The following BET1 variants were observed in gnomAD, a reference collection of about 807,000 sequenced individuals.
The protein encoded by BET1 is Bet1 golgi vesicular membrane trafficking protein, also known as BET1 homolog.
BET1 carries 9 observed loss-of-function variants against 13.9 expected under a neutral mutation model. That is an observed-to-expected ratio of 0.65 (90% CI 0.39 to 1.13). The LOEUF (loss-of-function observed/expected upper bound fraction) is 1.13. BET1 is among the 50% of genes most tolerant of loss of function. BET1 has a pLI of 0.01. For missense variants in BET1, 127 were observed against 133.6 expected (o/e 0.95, Z 0.24); for synonymous variants, 39 against 47.3 (o/e 0.82, Z 0.72).
exon 5 of BET1, chr7:93,975,955 T>C (rs1447021903): frequency 8.0e-7 from 1 of 1,255,226 alleles, no homozygotes; most frequent in Admixed American, 2.3e-5. Context: ...TGACATGTCA[T>C]GATATAATTC....
exon 5 of BET1, chr7:93,975,934 A>G (rs1329706864): frequency 2.0e-5 from 24 of 1,223,356 alleles, no homozygotes; most frequent in Non-Finnish European, 2.4e-5. Flanking sequence ...AAGGCTTCAG[A>G]GTCATTATTT....
At chr7:93,966,652 C>T (rs1388669537) in intron 6 of BET1, among the ~76,000 whole-genome samples, 2 of 151,096 alleles carry the variant, frequency 1.3e-5, no homozygotes, top group Admixed American at 1.3e-4. Context: ...TCTTCTAGTC[C>T]TTTAGTTCCT....
chr7:93,964,062 T>G (rs1795137587), exon 7 of BET1: 1 of 151,802 alleles, frequency 6.6e-6, no homozygotes, highest in Admixed American at 6.6e-5. Context: ...CGAGACTCTA[T>G]CTCAAAAAAT....
chr7:93,999,727 G>A (rs916263810), intron 1 of BET1: 14 of 456,262 alleles, frequency 3.1e-5, no homozygotes, highest in Admixed American at 2.8e-4. Context: ...AGCTCATAGC[G>A]GCGAGGGTTC....
At chr7:93,976,005 T>C (rs1198178704) in exon 5 of BET1, 31 of 1,280,734 alleles carry the variant, frequency 2.4e-5, no homozygotes, top group Non-Finnish European at 2.8e-5. Context: ...AGCCTCCTTC[T>C]TTTTAAGCTT....
At chr7:93,976,836 C>T (rs1795344501) in intron 4 of BET1, among the ~76,000 whole-genome samples, 1 of 152,068 alleles carries the variant, frequency 6.6e-6, no homozygotes, top group Admixed American at 6.6e-5. Flanking sequence ...CCCTCCCACA[C>T]TTTCCCATGA....
At chr7:93,986,129 A>T (rs1311119204) in intron 4 of BET1, among the ~76,000 whole-genome samples, 1 of 152,170 alleles carries the variant, frequency 6.6e-6, no homozygotes, top group Non-Finnish European at 1.5e-5. Context: ...TTGTTATTCG[A>T]CCTATGTGCA....
At chr7:93,979,069 T>C (rs1795384924) in intron 4 of BET1, among the ~76,000 whole-genome samples, 2 of 152,202 alleles carry the variant, frequency 1.3e-5, no homozygotes, top group Admixed American at 1.3e-4. Flanking sequence ...TGATAGTTTT[T>C]CAGATTCCTG....
At chr7:93,997,122 T>C (rs1204643280) in intron 2 of BET1, among the ~76,000 whole-genome samples, 1 of 152,172 alleles carries the variant, frequency 6.6e-6, no homozygotes, top group Admixed American at 6.5e-5. Flanking sequence ...AAAATCTATC[T>C]AATACTTTAT....
intron 1 of BET1, 109 bp from the exon 2 acceptor site, chr7:93,999,403 GTC>G (rs1403060718): frequency 1.0e-5 from 14 of 1,334,514 alleles, no homozygotes; most frequent in Non-Finnish European, 1.3e-5. Flanking sequence ...AACCACATAT[GTC>G]TCTAATATTC....
chr7:93,968,954 T>A (rs1355190022), intron 6 of BET1, among the ~76,000 whole-genome samples: 3 of 151,886 alleles, frequency 2.0e-5, no homozygotes, highest in Admixed American at 6.6e-5. Flanking sequence ...GACCATCTTT[T>A]CTTCTCACAT....
downstream of BET1, chr7:93,993,234 T>TA (rs1323887368): frequency 2.1e-6 from 2 of 973,584 alleles, no homozygotes; most frequent in Non-Finnish European, 2.4e-6. Flanking sequence ...AAAAGAGACT[T>TA]AAAGAAGTAA....
chr7:93,987,621 T>C (rs1011390113), intron 4 of BET1, among the ~76,000 whole-genome samples: 1 of 152,076 alleles, frequency 6.6e-6, no homozygotes, highest in Non-Finnish European at 1.5e-5. Context: ...AACAAGCATA[T>C]CATTGAATAA....
chr7:93,985,132 C>G (rs1052906716), intron 4 of BET1, among the ~76,000 whole-genome samples: 7 of 152,162 alleles, frequency 4.6e-5, no homozygotes, highest in Non-Finnish European at 1.0e-4. Context: ...GCTACCTTCC[C>G]TAACCATGCT....
In BET1 at chr7:93,993,255, T is replaced by A; in HGVS notation, c.*975A>T. 1 of 950,804 alleles carries A rather than the reference T, an allele frequency of 1.1e-6. No individual in the cohort carries two copies. Among genetic ancestry groups the A allele is most frequent in the Non-Finnish European group, 1.3e-6 (1 of 798,552 alleles). The allele number at this position is 950,804 out of a possible 1,614,324, so 58.9% of individuals were successfully genotyped here. ...GACTTAAAGAAGTAACACAGTCGAC[T>A]AATATATTTTATTTAAAAATTTACT... is the stretch of plus-strand genomic sequence containing the variant. On this transcript the variant is annotated 3_prime_UTR_variant, in exon 4 of 4. Coordinates refer to ENST00000222547, the MANE Select transcript of BET1 (RefSeq NM_005868.6).
exon 7 of BET1, chr7:93,962,816 T>C (rs1423413059): frequency 6.6e-6 from 1 of 151,900 alleles, no homozygotes; most frequent in African/African-American, 2.4e-5. Context: ...ACAGGATACA[T>C]TATCTGAAAT....
chr7:94,000,077 C>T (rs1010675073), intron 1 of BET1, among the ~76,000 whole-genome samples: 4 of 150,946 alleles, frequency 2.6e-5, no homozygotes, highest in Non-Finnish European at 5.9e-5. Flanking sequence ...TAACAGGAAA[C>T]GGCATAGTTC....
intron 4 of BET1, among the ~76,000 whole-genome samples, chr7:93,977,636 T>C (rs1415526337): frequency 6.6e-6 from 1 of 152,114 alleles, no homozygotes; most frequent in East Asian, 1.9e-4. Context: ...CTCTAGCTCT[T>C]ATTCTTGGCC....
chr7:93,982,305 A>G (rs1415090634), intron 4 of BET1, among the ~76,000 whole-genome samples: 1 of 152,142 alleles, frequency 6.6e-6, no homozygotes, highest in Non-Finnish European at 1.5e-5. Flanking sequence ...TGATAGTTCC[A>G]ATGGTCTTGG....
Sources: gnomAD v4.1 joint callset for allele counts (sites outside exome capture counted in the v4.1 genomes callset) on GRCh38, gnomAD v4.1.1 for gene constraint, MANE v1.5 for transcripts, NCBI Gene and HGNC (gene_info 2026-07-23, HGNC 2026-07-21) for gene names.